FOCAD: variants seen among roughly 807,000 people sequenced by gnomAD.
FOCAD encodes the protein KIAA1797.
A neutral mutation model predicts 225.6 loss-of-function variants in FOCAD; 198 were observed. The observed-to-expected ratio is 0.88, with a 90% CI of 0.78 to 0.99. The LOEUF (loss-of-function observed/expected upper bound fraction) is 0.99. Among genes scored for constraint, FOCAD ranks in the 50% least tolerant of loss-of-function variants. The pLI is 0.00. For missense variants in FOCAD, 2,713 were observed against 2,123.6 expected, an observed-to-expected ratio of 1.28 and a Z score of -5.46; for synonymous variants, 897 against 755.0, an observed-to-expected ratio of 1.19 and a Z score of -3.08.
rs147681543 is a variant in FOCAD at position 20,745,689 on chromosome 9, G to A, written c.392+5349G>A. Among the ~76,000 whole-genome samples, 13 of 152,234 alleles carry A rather than the reference G, an allele frequency of 8.5e-5. No homozygotes were observed. The East Asian group carries it at 2.1e-3, about 25-fold the overall frequency. Reference sequence around the variant, plus strand: ...GCAGTAACTGCTTGTTCCAGAATTCGTGTATTTTTCTGATGTGCCAGACAG... The same window carrying A: ...GCAGTAACTGCTTGTTCCAGAATTCATGTATTTTTCTGATGTGCCAGACAG... On this transcript the variant is annotated intron_variant, in intron 5 of 43. Coordinates refer to ENST00000338382, the MANE Select transcript of FOCAD (RefSeq NM_001375567.1).
intron 18 of FOCAD, among the ~76,000 whole-genome samples, chr9:20,873,454 A>T (rs1483393510): frequency 1.3e-5 from 2 of 152,160 alleles, no homozygotes; most frequent in Non-Finnish European, 2.9e-5. Flanking sequence ...AGTTTCTCTG[A>T]TATGCAGTGA....
intron 21 of FOCAD, chr9:20,897,092 AC>A (rs1832153094): frequency 6.6e-6 from 1 of 151,612 alleles, no homozygotes; most frequent in South Asian, 2.1e-4. Flanking sequence ...AGGTGCATGC[AC>A]TCTAAGGATT....
chr9:20,763,226 T>C (rs1829769136), intron 6 of FOCAD, among the ~76,000 whole-genome samples: 1 of 152,228 alleles, frequency 6.6e-6, no homozygotes, highest in Admixed American at 6.5e-5. Flanking sequence ...GAAGGCCTAG[T>C]ATGTACAGTT....
chr9:20,897,537 T>C (rs909836133), intron 21 of FOCAD, among the ~76,000 whole-genome samples: 5 of 151,772 alleles, frequency 3.3e-5, no homozygotes, highest in Non-Finnish European at 7.4e-5. Flanking sequence ...GTTATGTTTC[T>C]CTTTTTACTT....
intron 10 of FOCAD, chr9:20,787,079 C>CAAAA: frequency 3.5e-6 from 1 of 284,826 alleles, no homozygotes; most frequent in Non-Finnish European, 7.1e-6. Context: ...TAACCTTAGG[C>CAAAA]AAACAAACAA....
intron 42 of FOCAD, 70 bp downstream of exon 42, chr9:20,990,444 T>C (rs1181121310): frequency 5.8e-6 from 9 of 1,556,930 alleles, no homozygotes; most frequent in African/African-American, 1.4e-5. Context: ...TACTGTAGAA[T>C]TGAGGTGGGA....
intron 23 of FOCAD, among the ~76,000 whole-genome samples, chr9:20,915,406 A>C (rs1362856151): frequency 1.3e-5 from 2 of 152,166 alleles, no homozygotes; most frequent in East Asian, 3.9e-4. Context: ...AAGAGAGTAA[A>C]ATCTTAAAAG....
chr9:20,862,832 T>C, intron 16 of FOCAD, 120 bp downstream of exon 16: 7 of 1,172,578 alleles, frequency 6.0e-6, no homozygotes, highest in Non-Finnish European at 8.3e-6. Flanking sequence ...TGAGACCATG[T>C]TGATATGTTT....
chr9:20,785,285 G>T (rs1011360686), intron 10 of FOCAD, among the ~76,000 whole-genome samples: 1 of 152,064 alleles, frequency 6.6e-6, no homozygotes, highest in African/African-American at 2.4e-5. Flanking sequence ...ATGCAATTCA[G>T]TGGCTTTTAG....
At chr9:20,928,731 AC>A (rs1036587258) in intron 26 of FOCAD, among the ~76,000 whole-genome samples, 2 of 152,108 alleles carry the variant, frequency 1.3e-5, no homozygotes, top group African/African-American at 4.8e-5. Context: ...TTGCTTTGTA[AC>A]CAAAGGCTTT....
intron 42 of FOCAD, among the ~76,000 whole-genome samples, chr9:20,992,117 G>A (rs1001873283): frequency 3.3e-5 from 5 of 152,102 alleles, no homozygotes; most frequent in African/African-American, 7.2e-5. Context: ...TATCACCAAT[G>A]TATGTGTTTT....
rs781212148 is a variant in FOCAD at position 20,874,636 on chromosome 9, G to A, written c.2191-45G>A. The A allele has an allele frequency of 7.6e-6, 12 of 1,584,960 alleles. No individual in the cohort carries two copies. The South Asian group carries it at 1.0e-4, about 14-fold the overall frequency. On this transcript the variant is annotated intron_variant, in intron 18 of 43. Transcript: ENST00000338382. ...GGATACAGAAAAGATTTTGCATAAT[G>A]TTTTATTATTATCCTCTCTATGATC... is the stretch of plus-strand genomic sequence containing the variant.
intron 2 of FOCAD, chr9:20,716,119 T>C: frequency 2.1e-6 from 1 of 478,490 alleles, no homozygotes; most frequent in South Asian, 1.6e-5. Flanking sequence ...CTTAGCTGGG[T>C]AGTGGGGAAC....
chr9:20,785,567 G>T (rs573014367), intron 10 of FOCAD, among the ~76,000 whole-genome samples: 1 of 152,104 alleles, frequency 6.6e-6, no homozygotes, highest in Non-Finnish European at 1.5e-5. Context: ...TGTCCATGTT[G>T]TAGCATGTGC....
In FOCAD at chr9:20,949,474, A is replaced by T. The variant is rs1837487044; in HGVS notation, c.3877-130A>T. 7.3e-6 allele frequency: 5 copies of T among 683,170 alleles called. No individual in the cohort carries two copies. The Admixed American group carries it at 7.8e-5, about 11-fold the overall frequency. The allele number at this position is 683,170 out of a possible 1,614,324, so 42.3% of individuals were successfully genotyped here. On this transcript the variant is annotated intron_variant, in intron 32 of 43. Transcript: ENST00000338382. ...CCTTTGAGGAGTTCATAGCTTATGTATTTGAAATAGAAGGACATAATGATA... is the reference window on the plus strand; with the variant it reads ...CCTTTGAGGAGTTCATAGCTTATGTTTTTGAAATAGAAGGACATAATGATA...
At chr9:20,828,520 A>G (rs772185569) in intron 15 of FOCAD, among the ~76,000 whole-genome samples, 2 of 152,114 alleles carry the variant, frequency 1.3e-5, no homozygotes, top group African/African-American at 2.4e-5. Flanking sequence ...ACTATTTTCC[A>G]TAGTGGTTGT....
intron 11 of FOCAD, among the ~76,000 whole-genome samples, chr9:20,810,438 G>C (rs565953887): frequency 2.0e-4 from 30 of 152,144 alleles, no homozygotes; most frequent in Admixed American, 1.8e-3. Context: ...TTACTTATAG[G>C]ACATTGGCTT....
Position 20,871,617 on chromosome 9 carries a change from C to G in FOCAD, c.2191-3064C>G, listed in dbSNP as rs375812073. Among the ~76,000 whole-genome samples, 117 of 150,866 alleles carry G rather than the reference C, an allele frequency of 7.8e-4. 1 individual carries two copies. Among genetic ancestry groups the G allele is most frequent in the African/African-American group, 2.7e-3 (111 of 40,982 alleles). On this transcript the variant is annotated intron_variant, in intron 18 of 43. Transcript: ENST00000338382. ...AAGAACTTACTCATGTAACCAAACA[C>G]CACCTGTTCCCAAATAACCTATGGA...
chr9:20,993,796 C>T (rs1841860087), intron 43 of FOCAD, among the ~76,000 whole-genome samples: 1 of 152,032 alleles, frequency 6.6e-6, no homozygotes, highest in Non-Finnish European at 1.5e-5. Context: ...GCATTTTGAA[C>T]CAGAAAGTAG....
Sources: gnomAD v4.1 joint callset for allele counts (sites outside exome capture counted in the v4.1 genomes callset) on GRCh38, gnomAD v4.1.1 for gene constraint, MANE v1.5 for transcripts, NCBI Gene and HGNC (gene_info 2026-07-23, HGNC 2026-07-21) for gene names.